EHBP1: variants seen among roughly 807,000 people sequenced by gnomAD.
The protein encoded by EHBP1 is EH domain binding protein 1, also known as EH domain-binding protein 1.
EHBP1 carries 55 observed loss-of-function variants against 144.0 expected under a neutral mutation model. That is an observed-to-expected ratio of 0.38 (90% CI 0.31 to 0.48). The LOEUF is 0.48. Ranked by LOEUF, EHBP1 falls within the 20% of genes least tolerant of loss-of-function variation. The probability of loss-of-function intolerance (pLI) is 0.98; values close to 1 mark genes in which losing one functional copy is unlikely to be tolerated. For synonymous variants in EHBP1, 469 were observed against 472.7 expected (o/e 0.99, Z 0.10); for missense variants, 1,200 against 1,364.2 (o/e 0.88, Z 1.90).
intron 15 of EHBP1, among the ~76,000 whole-genome samples, chr2:62,983,271 A>AT: frequency 6.6e-6 from 1 of 152,256 alleles, no homozygotes; most frequent in East Asian, 1.9e-4. Context: ...TGGTCAGGGA[A>AT]TAGGGCCTAA....
chr2:62,678,023 A>G (rs2033371911), intron 1 of EHBP1, among the ~76,000 whole-genome samples: 1 of 152,180 alleles, frequency 6.6e-6, no homozygotes, highest in African/African-American at 2.4e-5. Flanking sequence ...TGGATCATAT[A>G]GTAGCTCTAT....
intron 2 of EHBP1, among the ~76,000 whole-genome samples, chr2:62,719,458 C>T (rs1201086790): frequency 6.6e-6 from 1 of 152,036 alleles, no homozygotes. Context: ...CCATGATTCA[C>T]AAACTGTGCC....
chr2:62,764,525 T>C (rs1474111608), intron 4 of EHBP1, among the ~76,000 whole-genome samples, 164 bp downstream of exon 4: 3 of 152,126 alleles, frequency 2.0e-5, no homozygotes, highest in Non-Finnish European at 4.4e-5. Flanking sequence ...GGAATCACAG[T>C]ATTTCATGGT....
At chr2:62,966,455 G>A (rs1007756462) in intron 14 of EHBP1, among the ~76,000 whole-genome samples, 1 of 152,122 alleles carries the variant, frequency 6.6e-6, no homozygotes, top group African/African-American at 2.4e-5. Context: ...AAATGTATAT[G>A]CATCTCCATT....
At chr2:62,942,509 A>G (rs138845025) in intron 10 of EHBP1, among the ~76,000 whole-genome samples, 2,927 of 152,350 alleles carry the variant, frequency 0.019, 47 homozygotes, top group Non-Finnish European at 0.026. Context: ...GCATATCTGC[A>G]TCCTTGTCAG....
intron 2 of EHBP1, among the ~76,000 whole-genome samples, chr2:62,739,114 T>C (rs2038435607): frequency 6.6e-6 from 1 of 152,262 alleles, no homozygotes; most frequent in Non-Finnish European, 1.5e-5. Context: ...TCCTGTATTC[T>C]TATTTCACAG....
rs1422222648 is a variant in EHBP1 at position 62,760,978 on chromosome 2, T to A, written c.163-3288T>A. 3.9e-5 allele frequency among the ~76,000 whole-genome samples: 6 copies of A among 152,174 alleles called. No individual in the cohort carries two copies. The East Asian group carries it at 1.2e-3, about 29-fold the overall frequency. On this transcript the variant is annotated intron_variant, in intron 3 of 22. Transcript: ENST00000431489. ...TAGAAAGATTCAGTGATTACACTCT[T>A]TTTCTAACATTTTTATTGCATGGAA...
intron 16 of EHBP1, among the ~76,000 whole-genome samples, chr2:62,993,301 G>GGAA (rs1317688212): frequency 1.3e-5 from 2 of 152,122 alleles, no homozygotes; most frequent in Admixed American, 6.6e-5. Context: ...TATCACTGGT[G>GGAA]GAAGACACAT....
chr2:62,840,841 CAT>C (rs1447055399), intron 7 of EHBP1, among the ~76,000 whole-genome samples: 1 of 151,970 alleles, frequency 6.6e-6, no homozygotes, highest in Non-Finnish European at 1.5e-5. Flanking sequence ...CAGGAAACAA[CAT>C]GTGCTGGAGA....
intron 21 of EHBP1, chr2:63,044,096 G>C (rs1574609232): frequency 6.7e-6 from 1 of 149,634 alleles, no homozygotes; most frequent in East Asian, 1.9e-4. Context: ...TTGATTGACA[G>C]CTACAAGCCC....
At chr2:62,984,139 AGT>A (rs1024461463) in intron 15 of EHBP1, among the ~76,000 whole-genome samples, 10 of 152,312 alleles carry the variant, frequency 6.6e-5, no homozygotes, top group Admixed American at 6.5e-4. Flanking sequence ...AAAAATCATA[AGT>A]GAGAAATTTT....
At chr2:62,726,509 C>G (rs1381982966) in intron 2 of EHBP1, 1 of 152,310 alleles carries the variant, frequency 6.6e-6, no homozygotes, top group East Asian at 1.9e-4. Context: ...TCATTTCAAT[C>G]CCTTCGTGGC....
At chr2:62,727,882 G>T (rs927612592) in intron 2 of EHBP1, among the ~76,000 whole-genome samples, 1 of 152,182 alleles carries the variant, frequency 6.6e-6, no homozygotes, top group Non-Finnish European at 1.5e-5. Flanking sequence ...GAGCGCAAGG[G>T]AGACAGCAGA....
chr2:63,024,422 G>A (rs1047759676), intron 19 of EHBP1, among the ~76,000 whole-genome samples: 1 of 152,040 alleles, frequency 6.6e-6, no homozygotes, highest in South Asian at 2.1e-4. Flanking sequence ...GGGCAACACA[G>A]CAATACCCTG....
At chr2:62,726,438 G>A (rs1204982194) in intron 2 of EHBP1, among the ~76,000 whole-genome samples, 1 of 152,200 alleles carries the variant, frequency 6.6e-6, no homozygotes, top group African/African-American at 2.4e-5. Flanking sequence ...CCCAGCTTCT[G>A]TGTCTTCCCT....
At chr2:62,819,653 A>G (rs778109945) in intron 5 of EHBP1, among the ~76,000 whole-genome samples, 9 of 151,720 alleles carry the variant, frequency 5.9e-5, no homozygotes, top group Non-Finnish European at 4.4e-5. Flanking sequence ...AATCCCAGCT[A>G]CTTGGGAGAC....
intron 19 of EHBP1, among the ~76,000 whole-genome samples, chr2:63,033,001 G>A (rs1296018366): frequency 6.6e-6 from 1 of 152,178 alleles, no homozygotes; most frequent in Non-Finnish European, 1.5e-5. Flanking sequence ...TGCTGATGCT[G>A]TTTGAGGATA....
chr2:62,747,798 TG>T (rs1000926315), intron 3 of EHBP1, among the ~76,000 whole-genome samples: 9 of 151,698 alleles, frequency 5.9e-5, no homozygotes, highest in African/African-American at 2.2e-4. Context: ...TATAAGGAGG[TG>T]GGGGGCCTTT....
intron 5 of EHBP1, among the ~76,000 whole-genome samples, chr2:62,804,151 A>G (rs1358807801): frequency 6.6e-6 from 1 of 152,188 alleles, no homozygotes; most frequent in Non-Finnish European, 1.5e-5. Context: ...CAGAAAAAAT[A>G]GTTTGGCACA....
Sources: allele counts gnomAD v4.1 joint callset (sites outside exome capture counted in the v4.1 genomes callset), GRCh38; gene constraint gnomAD v4.1.1; transcripts MANE v1.5; gene names NCBI Gene and HGNC (gene_info 2026-07-23, HGNC 2026-07-21).